The following NEGR1 variants were observed in gnomAD, a reference collection of about 807,000 sequenced individuals.
The protein encoded by NEGR1 is neuronal growth regulator 1, also known as IgLON family member 4.
NEGR1 carries 10 observed loss-of-function variants against 40.9 expected under a neutral mutation model. The ratio of observed to expected loss-of-function variants is 0.24; its 90% CI spans 0.15 to 0.42. The LOEUF (loss-of-function observed/expected upper bound fraction) is 0.42. Among genes scored for constraint, NEGR1 ranks in the 10% least tolerant of loss-of-function variants. NEGR1 has a pLI of 1.00. For missense variants in NEGR1, 352 were observed against 438.9 expected (o/e 0.80, Z 1.77); for synonymous variants, 185 against 166.8 (o/e 1.11, Z -0.84).
In NEGR1 at chr1:71,534,547, A is replaced by C. The variant is rs1647455501; in HGVS notation, c.940+58270T>G. ...AGATACTCTCAAATGGAAAATAATTAATTGCATAACAAGCTACAATTAAAA... is the reference window on the plus strand; with the variant it reads ...AGATACTCTCAAATGGAAAATAATTCATTGCATAACAAGCTACAATTAAAA... On this transcript the variant is annotated intron_variant, in intron 6 of 6. Coordinates refer to ENST00000357731, the MANE Select transcript of NEGR1 (RefSeq NM_173808.3). 1.3e-5 allele frequency among the ~76,000 whole-genome samples: 2 copies of C among 151,660 alleles called. 1 individual carries two copies. The highest frequency in any genetic ancestry group is 4.1e-4 in the South Asian group (2 of 4,830).
chr1:71,604,501 A>T (rs376855593), intron 5 of NEGR1, among the ~76,000 whole-genome samples: 2 of 152,288 alleles, frequency 1.3e-5, no homozygotes, highest in Admixed American at 6.5e-5. Context: ...TGCTTAGACA[A>T]TCAGGTAGTA....
chr1:71,829,530 G>A (rs1445520662), intron 2 of NEGR1, among the ~76,000 whole-genome samples: 4 of 151,820 alleles, frequency 2.6e-5, no homozygotes, highest in Non-Finnish European at 2.9e-5. Flanking sequence ...CCGAACACCC[G>A]TTTGGTTTCT....
intron 1 of NEGR1, among the ~76,000 whole-genome samples, chr1:72,231,047 T>C (rs772613632): frequency 2.0e-5 from 3 of 152,166 alleles, no homozygotes; most frequent in Non-Finnish European, 4.4e-5. Context: ...ATGTCCTGCC[T>C]AGATTAACAT....
chr1:71,536,307 G>A (rs553431200), intron 6 of NEGR1, among the ~76,000 whole-genome samples: 25 of 151,784 alleles, frequency 1.6e-4, no homozygotes, highest in Admixed American at 3.9e-4. Flanking sequence ...TTTGGGCTAC[G>A]GAAGTGGATC....
intron 2 of NEGR1, among the ~76,000 whole-genome samples, chr1:71,835,010 A>G (rs1658974609): frequency 6.6e-6 from 1 of 151,946 alleles, no homozygotes; most frequent in Non-Finnish European, 1.5e-5. Context: ...GCCAATCTGG[A>G]CCAGGCTGGA....
intron 1 of NEGR1, among the ~76,000 whole-genome samples, chr1:71,963,444 G>T (rs1460255115): frequency 6.6e-6 from 1 of 152,066 alleles, no homozygotes; most frequent in Non-Finnish European, 1.5e-5. Flanking sequence ...CTAATACAAC[G>T]CTGCCATGAA....
chr1:71,589,930 A>G (rs1040381790), intron 6 of NEGR1, among the ~76,000 whole-genome samples: 12 of 151,956 alleles, frequency 7.9e-5, no homozygotes, highest in African/African-American at 2.9e-4. Flanking sequence ...CAACTTGTCT[A>G]CCCTCATCTC....
intron 1 of NEGR1, among the ~76,000 whole-genome samples, chr1:72,236,990 A>G (rs1487288849): frequency 6.6e-6 from 1 of 152,008 alleles, no homozygotes; most frequent in East Asian, 1.9e-4. Context: ...AATAAAAAAT[A>G]CATTCTTGAG....
intron 6 of NEGR1, among the ~76,000 whole-genome samples, chr1:71,541,564 C>T (rs773283045): frequency 3.3e-5 from 5 of 151,764 alleles, no homozygotes; most frequent in African/African-American, 4.8e-5. Flanking sequence ...AAGGATGCTA[C>T]GGGACATGCG....
Position 72,193,598 on chromosome 1 carries a change from A to C in NEGR1, c.176+88721T>G, listed in dbSNP as rs1461034989. On this transcript the variant is annotated intron_variant, in intron 1 of 6. Transcript: ENST00000357731. ...AAACAAAGGATCCTTAAAAGATCAA[A>C]ATATATTTTAAGGCCACAGATATTA... is the stretch of plus-strand genomic sequence containing the variant. 4.6e-5 allele frequency among the ~76,000 whole-genome samples: 7 copies of C among 151,650 alleles called. No homozygotes were observed. In the Admixed American group the frequency reaches 4.6e-4, roughly 10 times the overall value.
intron 1 of NEGR1, among the ~76,000 whole-genome samples, chr1:71,968,981 G>A (rs1031046501): frequency 6.6e-6 from 1 of 152,046 alleles, no homozygotes; most frequent in Non-Finnish European, 1.5e-5. Context: ...TGTGAGGGCT[G>A]CAGCTCAACC....
intron 1 of NEGR1, among the ~76,000 whole-genome samples, chr1:72,060,947 T>C (rs933350416): frequency 7.2e-5 from 11 of 151,784 alleles, no homozygotes; most frequent in Admixed American, 5.9e-4. Flanking sequence ...TTCCATAACA[T>C]ATTCTGAAAT....
At chr1:71,632,745 C>A (rs1049548737) in intron 4 of NEGR1, among the ~76,000 whole-genome samples, 1 of 151,778 alleles carries the variant, frequency 6.6e-6, no homozygotes, top group African/African-American at 2.4e-5. Context: ...ATCTGTTATG[C>A]CTTAGCAGCT....
At chr1:71,737,370 G>A (rs1297512910) in intron 3 of NEGR1, among the ~76,000 whole-genome samples, 1 of 150,718 alleles carries the variant, frequency 6.6e-6, no homozygotes, top group Non-Finnish European at 1.5e-5. Flanking sequence ...TTCCTTGGGA[G>A]GGAATGCTAA....
At chr1:72,157,116 C>T (rs1331948110) in intron 1 of NEGR1, among the ~76,000 whole-genome samples, 1 of 152,036 alleles carries the variant, frequency 6.6e-6, no homozygotes, top group Non-Finnish European at 1.5e-5. Context: ...GCATATGCCA[C>T]CTTGTCTGGC....
At chr1:71,837,975 T>C (rs1659102741) in intron 2 of NEGR1, among the ~76,000 whole-genome samples, 1 of 152,152 alleles carries the variant, frequency 6.6e-6, no homozygotes, top group Non-Finnish European at 1.5e-5. Context: ...GACTATTAAT[T>C]AAGACTGACA....
chr1:72,041,291 T>C lies in NEGR1; in HGVS notation c.177-105980A>G, dbSNP rs1231520370. Among the ~76,000 whole-genome samples, 6 of 152,024 alleles carry C rather than the reference T, an allele frequency of 3.9e-5. No homozygotes were observed. The South Asian group carries it at 6.2e-4, about 16-fold the overall frequency. On this transcript the variant is annotated intron_variant, in intron 1 of 6. Transcript: ENST00000357731. The stretch of plus-strand genomic sequence containing the variant: ...CCTCTTCCAATAGATTTTACAGGGA[T>C]TTACAAATTTCCTTTACAGGGGTTT...
intron 5 of NEGR1, among the ~76,000 whole-genome samples, chr1:71,610,438 T>G (rs1028760487): frequency 6.6e-6 from 1 of 152,124 alleles, no homozygotes; most frequent in Non-Finnish European, 1.5e-5. Flanking sequence ...TTGCCAAGGT[T>G]TTTGGGTCTT....
chr1:71,807,568 C>T (rs1004728370), intron 2 of NEGR1, among the ~76,000 whole-genome samples: 2 of 152,038 alleles, frequency 1.3e-5, no homozygotes, highest in South Asian at 2.1e-4. Context: ...ATTGTTCATG[C>T]TTAATTTAGC....
Sources: allele counts gnomAD v4.1 joint callset (sites outside exome capture counted in the v4.1 genomes callset), GRCh38; gene constraint gnomAD v4.1.1; transcripts MANE v1.5; gene names NCBI Gene and HGNC (gene_info 2026-07-23, HGNC 2026-07-21).